OSBPL3: variants seen among roughly 807,000 people sequenced by gnomAD.
OSBPL3 encodes oxysterol-binding protein-related protein 3.
Under a neutral mutation model 120.1 loss-of-function variants are expected in OSBPL3, and 65 were observed. That is an observed-to-expected ratio of 0.54 (90% CI 0.44 to 0.67). The LOEUF (loss-of-function observed/expected upper bound fraction) is 0.67. Among genes scored for constraint, OSBPL3 ranks in the 30% least tolerant of loss-of-function variants. OSBPL3 has a pLI of 0.00. For missense variants in OSBPL3, 1,004 were observed against 1,082.1 expected (o/e 0.93, Z 1.01); for synonymous variants, 416 against 402.6 (o/e 1.03, Z -0.40).
chr7:24,810,641 T>A (rs952838062), intron 19 of OSBPL3, among the ~76,000 whole-genome samples: 1 of 152,348 alleles, frequency 6.6e-6, no homozygotes, highest in Non-Finnish European at 1.5e-5. Flanking sequence ...TTGAACTAAT[T>A]CTTCCTGTCT....
Position 24,800,048 on chromosome 7 carries a change from TAA to T in OSBPL3, c.*133_*134del. On this transcript the variant is annotated 3_prime_UTR_variant, in exon 23 of 23. Coordinates refer to ENST00000313367, the MANE Select transcript of OSBPL3 (RefSeq NM_015550.4). ...AAACGCACTGAGGAAAATATAGACT[TAA>T]AGAGTTACAATGCTAAGCTAAGCAC... 1.9e-6 allele frequency: 1 copy of T among 512,858 alleles called. No individual in the cohort carries two copies. Among genetic ancestry groups the T allele is most frequent in the Middle Eastern group, 4.9e-4 (1 of 2,022 alleles). 31.8% of individuals were successfully genotyped at this position (512,858 alleles called of 1,614,324 possible). A position where few individuals can be genotyped will look rare whatever the true frequency, so the allele number is the denominator to read the frequency against.
In OSBPL3 at chr7:24,902,790, G is replaced by C. The variant is rs545360102; in HGVS notation, c.-149-10169C>G. ...ACGACTGGCTTATTCTTAGCTTTTA[G>C]AGACTGTGAACAGAGCACCTCCCTC... On this transcript the variant is annotated intron_variant, in intron 1 of 22. Coordinates refer to ENST00000313367, the MANE Select transcript of OSBPL3 (RefSeq NM_015550.4). 7.9e-5 allele frequency among the ~76,000 whole-genome samples: 12 copies of C among 151,800 alleles called. No homozygotes were observed. The South Asian group carries it at 1.0e-3, about 13-fold the overall frequency.
Position 24,851,239 on chromosome 7 carries a change from C to A in OSBPL3, c.1158+1265G>T, listed in dbSNP as rs1799116400. Among the ~76,000 whole-genome samples, 1 of 152,126 alleles carries A rather than the reference C, an allele frequency of 6.6e-6. No individual in the cohort carries two copies. Among genetic ancestry groups the A allele is most frequent in the Non-Finnish European group, 1.5e-5 (1 of 68,036 alleles). Reference sequence around the variant, plus strand: ...CTGCTTCTCTCAAACCAAAATGGCACCAGTGTATGGCTGTCTTGTACAATA... The same window carrying A: ...CTGCTTCTCTCAAACCAAAATGGCAACAGTGTATGGCTGTCTTGTACAATA... On this transcript the variant is annotated intron_variant, in intron 11 of 22. Transcript: ENST00000313367. The surrounding 1 kb of genome is among the most constrained non-coding windows in gnomAD (Gnocchi z 4.1).
Position 24,831,678 on chromosome 7 carries a change from A to G in OSBPL3, c.1747-773T>C, listed in dbSNP as rs562916913. On this transcript the variant is annotated intron_variant, in intron 15 of 22. Coordinates refer to ENST00000313367, the MANE Select transcript of OSBPL3 (RefSeq NM_015550.4). This position sits in a 1 kb window ranked among gnomAD's most constrained non-coding sequence, Gnocchi z 4.0. The stretch of plus-strand genomic sequence containing the variant: ...ATGTATGTAACAACAGTTAAGCCTA[A>G]GCAGGGATGTCCAATTTTCCTTTCT... Among the ~76,000 whole-genome samples, 28 of 152,344 alleles carry G rather than the reference A, an allele frequency of 1.8e-4. 1 individual carries two copies. In the South Asian group the frequency reaches 5.8e-3, roughly 32 times the overall value.
rs531372650 is a variant in OSBPL3, at chr7:24,976,555, T to C, written c.-150+3331A>G. ...TAATTGGAAAGTCAAAAAAAAAAAA[T>C]TCCAGAAGGGGCCAGAAAGCTGATG... On this transcript the variant is annotated intron_variant, in intron 1 of 22. Coordinates refer to ENST00000313367, the MANE Select transcript of OSBPL3 (RefSeq NM_015550.4). 1.0e-3 allele frequency among the ~76,000 whole-genome samples: 159 copies of C among 151,610 alleles called. 2 individuals are homozygous for C. The highest frequency in any genetic ancestry group is 3.5e-3 in the African/African-American group (146 of 41,302).
intron 1 of OSBPL3, among the ~76,000 whole-genome samples, chr7:24,978,749 C>CA (rs1311487463): frequency 3.3e-5 from 5 of 152,228 alleles, no homozygotes; most frequent in African/African-American, 1.2e-4. Context: ...TCCCAATACT[C>CA]AAACTCTGAG....
rs13307070 is a variant in OSBPL3, at chr7:24,820,798, T to A, written c.1885-560A>T. On this transcript the variant is annotated intron_variant, in intron 16 of 22. Transcript: ENST00000313367. This position sits in a 1 kb window ranked among gnomAD's most constrained non-coding sequence, Gnocchi z 4.6. ...GAAGACCAATGCAAGGTAATTTTTTTAAAAAAGAGTGTTTCTATTAAAAAA... is the reference window on the plus strand; with the variant it reads ...GAAGACCAATGCAAGGTAATTTTTTAAAAAAAGAGTGTTTCTATTAAAAAA... Among the ~76,000 whole-genome samples the A allele has an allele frequency of 0.12, 16,512 of 138,760 alleles. 1,193 individuals carry two copies. Among genetic ancestry groups the A allele is most frequent in the Non-Finnish European group, 0.17 (11,383 of 66,948 alleles). The allele number at this position is 138,760 out of a possible 152,430, so 91.0% of individuals were successfully genotyped here.
Position 24,966,233 on chromosome 7 carries a change from C to T in OSBPL3, c.-150+13653G>A, listed in dbSNP as rs898645158. On this transcript the variant is annotated intron_variant, in intron 1 of 22. Transcript: ENST00000313367. This position sits in a 1 kb window ranked among gnomAD's most constrained non-coding sequence, Gnocchi z 4.8. The stretch of plus-strand genomic sequence containing the variant: ...AAATCCAGCACCTGCGGAGACCACA[C>T]ACTGCACATTTTACAAAAGAAACCA... Among the ~76,000 whole-genome samples the T allele has an allele frequency of 6.6e-6, 1 of 152,208 alleles. No individual in the cohort carries two copies. Among genetic ancestry groups the T allele is most frequent in the Non-Finnish European group, 1.5e-5 (1 of 68,044 alleles).
chr7:24,845,386 A>T lies in OSBPL3; in HGVS notation c.1267-2973T>A, dbSNP rs1315691184. 3.6e-4 allele frequency among the ~76,000 whole-genome samples: 11 copies of T among 30,228 alleles called. No individual in the cohort carries two copies. The East Asian group carries it at 5.2e-3, about 14-fold the overall frequency. 19.8% of individuals were successfully genotyped at this position (30,228 alleles called of 152,430 possible). A position where few individuals can be genotyped will look rare whatever the true frequency, so the allele number is the denominator to read the frequency against. On this transcript the variant is annotated intron_variant, in intron 12 of 22. Transcript: ENST00000313367. Reference sequence around the variant, plus strand: ...ATTTACAAATATTGCAAAATAAGTAAAAAAAAAAAAAAAAAAAAAAAAAAA... The same window carrying T: ...ATTTACAAATATTGCAAAATAAGTATAAAAAAAAAAAAAAAAAAAAAAAAA...
chr7:24,893,011 C>A (rs1805599369), intron 1 of OSBPL3, among the ~76,000 whole-genome samples: 1 of 152,112 alleles, frequency 6.6e-6, no homozygotes, highest in Non-Finnish European at 1.5e-5. Context: ...TCAGACATTG[C>A]TGGTGGAACT....
rs1329570531 is a variant in OSBPL3, at chr7:24,972,273, C to G, written c.-150+7613G>C. Among the ~76,000 whole-genome samples, 1 of 152,208 alleles carries G rather than the reference C, an allele frequency of 6.6e-6. No individual in the cohort carries two copies. Among genetic ancestry groups the G allele is most frequent in the Non-Finnish European group, 1.5e-5 (1 of 68,046 alleles). On this transcript the variant is annotated intron_variant, in intron 1 of 22. Coordinates refer to ENST00000313367, the MANE Select transcript of OSBPL3 (RefSeq NM_015550.4). This position sits in a 1 kb window ranked among gnomAD's most constrained non-coding sequence, Gnocchi z 4.3. ...CCTCCTCCCACTCAGTTCTACATGG[C>G]CTCCAGCAATGGCAGAAAGACACAA...
chr7:24,842,215 C>A (rs1241077333), intron 13 of OSBPL3, 64 bp downstream of exon 13: 2 of 1,512,972 alleles, frequency 1.3e-6, no homozygotes, highest in Non-Finnish European at 1.8e-6. Flanking sequence ...ATTTACTGAA[C>A]AGATTAATCA....
In OSBPL3 at chr7:24,980,165, G is replaced by A; in HGVS notation, c.-429C>T. 2.1e-6 allele frequency: 1 copy of A among 485,916 alleles called. No homozygotes were observed. Among genetic ancestry groups the A allele is most frequent in the Non-Finnish European group, 2.7e-6 (1 of 373,444 alleles). The allele number at this position is 485,916 out of a possible 1,614,324, so 30.1% of individuals were successfully genotyped here. ...GCACGCGGCCAGTTCTGAGTACTTT[G>A]CCCAGAACTTCTCGGCGCGCGCCGC... is the stretch of plus-strand genomic sequence containing the variant. On this transcript the variant is annotated 5_prime_UTR_variant, in exon 1 of 23. Transcript: ENST00000313367.
chr7:24,834,655 A>G lies in OSBPL3; in HGVS notation c.1577T>C (p.Ile526Thr), dbSNP rs1351211994. ...GTTCCTCAGGATGTTCCACAGGCTG[A>G]TGTTACTGCTGCTCGGGCAGGGCGC... is the stretch of plus-strand genomic sequence containing the variant. ...LPAPCPSSSN[I>T]SLWNILRNNI... is the part of the protein sequence containing the mutation. Residue 526 changes from isoleucine to threonine, a missense_variant, in exon 15 of 23, where the codon ATC (isoleucine) becomes ACC (threonine). Physicochemically the swap from Ile to Thr is moderately conservative, Grantham distance 89 (BLOSUM62 -1). Transcript: ENST00000313367. This position sits in a 1 kb window ranked among gnomAD's most constrained non-coding sequence, Gnocchi z 5.2. 1 of 1,614,030 alleles carries G rather than the reference A, an allele frequency of 6.2e-7. No individual in the cohort carries two copies. Among genetic ancestry groups the G allele is most frequent in the Non-Finnish European group, 8.5e-7 (1 of 1,180,010 alleles).
rs2128340259 is a variant in OSBPL3, at chr7:24,891,862, A to T, written c.96+515T>A. 6.6e-6 allele frequency among the ~76,000 whole-genome samples: 1 copy of T among 152,224 alleles called. No individual in the cohort carries two copies. Among genetic ancestry groups the T allele is most frequent in the East Asian group, 1.9e-4 (1 of 5,198 alleles). On this transcript the variant is annotated intron_variant, in intron 2 of 22. Transcript: ENST00000313367. The surrounding 1 kb of genome is among the most constrained non-coding windows in gnomAD (Gnocchi z 4.1). ...ATAGATATAAAGCAGGTGAGTCTCG[A>T]AGCTACTAACAGGGCAATCTGTGGT...
In OSBPL3 at chr7:24,930,831, G is replaced by A. The variant is rs1315171727; in HGVS notation, c.-149-38210C>T. On this transcript the variant is annotated intron_variant, in intron 1 of 22. Coordinates refer to ENST00000313367, the MANE Select transcript of OSBPL3 (RefSeq NM_015550.4). The surrounding 1 kb of genome is among the most constrained non-coding windows in gnomAD (Gnocchi z 4.4). ...TCTGATTAAATGAATTCATCAATGAGATTTTGTCACTGAAACTTGACCTAT... is the reference window on the plus strand; with the variant it reads ...TCTGATTAAATGAATTCATCAATGAAATTTTGTCACTGAAACTTGACCTAT... Among the ~76,000 whole-genome samples the A allele has an allele frequency of 1.3e-5, 2 of 152,218 alleles. 1 individual carries two copies. Among genetic ancestry groups the A allele is most frequent in the African/African-American group, 4.8e-5 (2 of 41,458 alleles).
intron 12 of OSBPL3, among the ~76,000 whole-genome samples, chr7:24,847,991 G>T (rs1798648092): frequency 6.6e-6 from 1 of 152,210 alleles, no homozygotes; most frequent in South Asian, 2.1e-4. Context: ...ATGTGCCTCA[G>T]AAGTAGTAAG....
In OSBPL3 at chr7:24,886,595, G is replaced by A. The variant is rs151290539; in HGVS notation, c.96+5782C>T. 9.5e-4 allele frequency among the ~76,000 whole-genome samples: 144 copies of A among 152,298 alleles called. 3 individuals are homozygous for A. The highest frequency in any genetic ancestry group is 3.4e-3 in the African/African-American group (140 of 41,546). On this transcript the variant is annotated intron_variant, in intron 2 of 22. Coordinates refer to ENST00000313367, the MANE Select transcript of OSBPL3 (RefSeq NM_015550.4). The stretch of plus-strand genomic sequence containing the variant: ...CGCTGGTTTTCAATAAATTCAGTCC[G>A]ACGATTTGTATCTTCTACATGCAAA...
chr7:24,869,804 C>T (rs1041649792), intron 5 of OSBPL3, among the ~76,000 whole-genome samples: 2 of 152,244 alleles, frequency 1.3e-5, no homozygotes, highest in African/African-American at 4.8e-5. Context: ...TCAATCACCA[C>T]ACACATGCCA....
Sources: gnomAD v4.1 joint callset for allele counts (sites outside exome capture counted in the v4.1 genomes callset) on GRCh38, gnomAD v4.1.1 for gene constraint, Gnocchi (gnomAD v3.1) non-coding constraint, MANE v1.5 for transcripts, NCBI Gene and HGNC (gene_info 2026-07-23, HGNC 2026-07-21) for gene names.